Variants in ITGB6 observed in about 807,000 individuals in gnomAD.
ITGB6 encodes the protein integrin beta-6.
ITGB6 carries 80 observed loss-of-function variants against 84.5 expected under a neutral mutation model. The observed-to-expected ratio is 0.95, with a 90% CI of 0.79 to 1.14. The LOEUF (loss-of-function observed/expected upper bound fraction) is 1.14. Ranked by LOEUF, ITGB6 falls within the 50% of genes most tolerant of loss-of-function variation. The pLI is 0.00. For synonymous variants in ITGB6, 383 were observed against 354.9 expected (o/e 1.08, Z -0.89); for missense variants, 1,006 against 968.0 (o/e 1.04, Z -0.52).
intron 6 of ITGB6, 108 bp from the exon 7 acceptor site, chr2:160,169,415 C>A: frequency 1.6e-6 from 1 of 621,436 alleles, no homozygotes; most frequent in Non-Finnish European, 2.8e-6. Flanking sequence ...TCAATGCTCA[C>A]AGGCATTATA....
rs984346073 is a variant in ITGB6 at position 160,100,617 on chromosome 2, T to A, written c.*1119A>T. On this transcript the variant is annotated 3_prime_UTR_variant, in exon 15 of 15. Transcript: ENST00000283249. ...AATATTCTAGAGTCCATCTCTTCCA[T>A]CAACTGATGGATCCCTAATTTGCAC... The A allele has an allele frequency of 1.2e-4, 17 of 137,308 alleles. No individual in the cohort carries two copies. Among genetic ancestry groups the A allele is most frequent in the Admixed American group, 3.6e-4 (5 of 14,026 alleles). The allele number at this position is 137,308 out of a possible 1,614,324, so 8.5% of individuals were successfully genotyped here.
chr2:160,159,961 C>G (rs1268891971), intron 7 of ITGB6, among the ~76,000 whole-genome samples: 1 of 151,904 alleles, frequency 6.6e-6, no homozygotes, highest in Non-Finnish European at 1.5e-5. Flanking sequence ...TTTTTATTCT[C>G]CTCTATACTC....
At chr2:160,157,241 T>G (rs1371937317) in intron 7 of ITGB6, among the ~76,000 whole-genome samples, 1 of 152,222 alleles carries the variant, frequency 6.6e-6, no homozygotes, top group Non-Finnish European at 1.5e-5. Flanking sequence ...ACAATGACCC[T>G]GTTTCCAAAT....
chr2:160,189,531 A>C (rs1357625603), intron 4 of ITGB6, among the ~76,000 whole-genome samples: 2 of 152,222 alleles, frequency 1.3e-5, no homozygotes, highest in Non-Finnish European at 2.9e-5. Context: ...ACCCCATCAA[A>C]AAGTGGGCGA....
At chr2:160,183,098 A>C (rs1398789892) in intron 4 of ITGB6, among the ~76,000 whole-genome samples, 1 of 152,226 alleles carries the variant, frequency 6.6e-6, no homozygotes, top group Non-Finnish European at 1.5e-5. Context: ...CAGGCAAAAT[A>C]ACCAGCTAGA....
At chr2:160,151,629 A>C (rs1398816749) in intron 7 of ITGB6, among the ~76,000 whole-genome samples, 2 of 152,192 alleles carry the variant, frequency 1.3e-5, no homozygotes, top group African/African-American at 4.8e-5. Context: ...AGACACAAAA[A>C]ACCCTTCAAA....
At chr2:160,146,179 G>A (rs1684178963) in intron 7 of ITGB6, among the ~76,000 whole-genome samples, 2 of 151,996 alleles carry the variant, frequency 1.3e-5, no homozygotes, top group African/African-American at 2.4e-5. Flanking sequence ...ATCAGCTAGC[G>A]GCAATTTTTT....
At position 160,100,191 on chromosome 2, in the gene ITGB6, T is replaced by C. The variant is rs1696660417; in HGVS notation, c.*1545A>G. Reference sequence around the variant, plus strand: ...AGGTATATGGATCTATCTTGTAGAATTGAAGAAACTTATAGATTTTGCTGT... The same window carrying C: ...AGGTATATGGATCTATCTTGTAGAACTGAAGAAACTTATAGATTTTGCTGT... On this transcript the variant is annotated 3_prime_UTR_variant, in exon 15 of 15. Coordinates refer to ENST00000283249, the MANE Select transcript of ITGB6 (RefSeq NM_000888.5). 1 of 152,230 alleles carries C rather than the reference T, an allele frequency of 6.6e-6. No homozygotes were observed. The highest frequency in any genetic ancestry group is 2.1e-4 in the South Asian group (1 of 4,834). The allele number at this position is 152,230 out of a possible 1,614,324, so 9.4% of individuals were successfully genotyped here. A position where few individuals can be genotyped will look rare whatever the true frequency, so the allele number is the denominator to read the frequency against.
chr2:160,108,942 A>G (rs936345487), intron 13 of ITGB6, among the ~76,000 whole-genome samples: 1 of 149,478 alleles, frequency 6.7e-6, no homozygotes, highest in African/African-American at 2.6e-5. Flanking sequence ...ACTTTCATGG[A>G]AAAAAAATCC....
At position 160,118,563 on chromosome 2, in the gene ITGB6, G is replaced by T. The variant is rs1205560116; in HGVS notation, c.1981+5228C>A. On this transcript the variant is annotated intron_variant, in intron 12 of 14. Transcript: ENST00000283249. ...ACAAACACACAGCCAATATCATACT[G>T]AATGGGCAAAAACTGGAAGCATTCC... 2.6e-5 allele frequency among the ~76,000 whole-genome samples: 4 copies of T among 152,160 alleles called. No individual in the cohort carries two copies. In the South Asian group the frequency reaches 8.3e-4, roughly 32 times the overall value.
chr2:160,196,430 A>G lies in ITGB6; in HGVS notation c.142-10T>C, dbSNP rs1436262419. The G allele has an allele frequency of 9.4e-6, 15 of 1,589,366 alleles. No individual in the cohort carries two copies. Among genetic ancestry groups the G allele is most frequent in the Non-Finnish European group, 1.3e-5 (15 of 1,168,020 alleles). ...ATGGATGAGTAAAATTCTAAAAAAG[A>G]AAAAGAAAAACAATAACCAGAAAAA... On this transcript the variant is annotated splice_polypyrimidine_tract_variant and intron_variant, in intron 2 of 14. Coordinates refer to ENST00000283249, the MANE Select transcript of ITGB6 (RefSeq NM_000888.5).
chr2:160,103,255 G>T (rs920638148), intron 14 of ITGB6, among the ~76,000 whole-genome samples: 2 of 152,106 alleles, frequency 1.3e-5, no homozygotes, highest in East Asian at 3.9e-4. Context: ...AATAAAATCG[G>T]AAACACTCCC....
intron 8 of ITGB6, among the ~76,000 whole-genome samples, chr2:160,139,248 T>C (rs1228286966): frequency 2.6e-5 from 4 of 152,228 alleles, no homozygotes; most frequent in Non-Finnish European, 5.9e-5. Context: ...TACACTTCAG[T>C]TAATCCAAAA....
intron 12 of ITGB6, among the ~76,000 whole-genome samples, chr2:160,117,520 C>A (rs1682837396): frequency 6.6e-6 from 1 of 151,980 alleles, no homozygotes; most frequent in African/African-American, 2.4e-5. Context: ...AAGCAGTGTG[C>A]AGAGTGAAAT....
At chr2:160,140,899 A>T (rs1199991053) in intron 8 of ITGB6, among the ~76,000 whole-genome samples, 1 of 151,926 alleles carries the variant, frequency 6.6e-6, no homozygotes, top group Non-Finnish European at 1.5e-5. Flanking sequence ...TTATTGGGGA[A>T]TTTTTTTTCT....
At chr2:160,155,923 A>C (rs912428498) in intron 7 of ITGB6, among the ~76,000 whole-genome samples, 2 of 152,218 alleles carry the variant, frequency 1.3e-5, no homozygotes, top group Non-Finnish European at 2.9e-5. Flanking sequence ...AAATTACAAA[A>C]CTGACAATGC....
At chr2:160,159,077 C>CAAT (rs1167613919) in intron 7 of ITGB6, among the ~76,000 whole-genome samples, 1 of 146,042 alleles carries the variant, frequency 6.8e-6, no homozygotes, top group Non-Finnish European at 1.5e-5. Context: ...CCAGCCTGGG[C>CAAT]AATAGAGTGA....
chr2:160,158,954 C>T (rs1684724502), intron 7 of ITGB6, among the ~76,000 whole-genome samples: 1 of 152,082 alleles, frequency 6.6e-6, no homozygotes, highest in African/African-American at 2.4e-5. Flanking sequence ...CAAAAATTAA[C>T]TGGGTGTGGT....
At chr2:160,136,704 T>C (rs1397350063) in intron 10 of ITGB6, among the ~76,000 whole-genome samples, 1 of 152,322 alleles carries the variant, frequency 6.6e-6, no homozygotes, top group African/African-American at 2.4e-5. Flanking sequence ...ATATACGCCA[T>C]GGAATACTAT....
Sources: allele counts gnomAD v4.1 joint callset (sites outside exome capture counted in the v4.1 genomes callset), GRCh38; gene constraint gnomAD v4.1.1; transcripts MANE v1.5; gene names NCBI Gene and HGNC (gene_info 2026-07-23, HGNC 2026-07-21).